The following EPHA5 variants were observed in gnomAD, a reference collection of about 807,000 sequenced individuals.
EPHA5 encodes the protein EPH receptor A5.
A neutral mutation model predicts 105.0 loss-of-function variants in EPHA5; 60 were observed. The ratio of observed to expected loss-of-function variants is 0.57; its 90% CI spans 0.46 to 0.71. EPHA5 has a LOEUF of 0.71. EPHA5 is among the 30% of genes least tolerant of loss of function. The pLI is 0.00. For synonymous variants in EPHA5, 513 were observed against 449.1 expected, an observed-to-expected ratio of 1.14 and a Z score of -1.80; for missense variants, 1,218 against 1,274.7, an observed-to-expected ratio of 0.96 and a Z score of 0.68.
intron 14 of EPHA5, among the ~76,000 whole-genome samples, chr4:65,336,356 A>T (rs1268168184): frequency 6.6e-6 from 1 of 152,122 alleles, no homozygotes; most frequent in Non-Finnish European, 1.5e-5. Flanking sequence ...TATTATAAAT[A>T]AAATAAATGG....
At chr4:65,442,073 T>C (rs1283317896) in intron 5 of EPHA5, among the ~76,000 whole-genome samples, 1 of 152,052 alleles carries the variant, frequency 6.6e-6, no homozygotes, top group African/African-American at 2.4e-5. Flanking sequence ...AAATAAAATG[T>C]CCAATGTAAT....
At chr4:65,388,897 T>C (rs1221926786) in intron 8 of EPHA5, among the ~76,000 whole-genome samples, 2 of 152,020 alleles carry the variant, frequency 1.3e-5, no homozygotes, top group Non-Finnish European at 1.5e-5. Context: ...CCCATGCCTA[T>C]GTCCTGAATG....
chr4:65,496,433 T>C (rs1460536283), intron 3 of EPHA5, among the ~76,000 whole-genome samples: 1 of 141,404 alleles, frequency 7.1e-6, no homozygotes, highest in African/African-American at 2.6e-5. Flanking sequence ...CCTGTGTCCA[T>C]GTGATCTCAT....
chr4:65,328,517 G>A (rs952693150), intron 16 of EPHA5, among the ~76,000 whole-genome samples: 3 of 151,162 alleles, frequency 2.0e-5, no homozygotes, highest in Non-Finnish European at 4.5e-5. Context: ...CCTTTTAGCC[G>A]TATCACTGGT....
intron 16 of EPHA5, among the ~76,000 whole-genome samples, chr4:65,327,831 T>TCTAAGTAG (rs2148787620): frequency 6.6e-6 from 1 of 151,328 alleles, no homozygotes; most frequent in South Asian, 2.1e-4. Flanking sequence ...TTAAGGTATT[T>TCTAAGTAG]TCTTCTAAGT....
chr4:65,431,600 T>G (rs1447576329), intron 5 of EPHA5, among the ~76,000 whole-genome samples: 1 of 152,064 alleles, frequency 6.6e-6, no homozygotes, highest in Non-Finnish European at 1.5e-5. Flanking sequence ...ACCTCCCTCC[T>G]TTCCTTTTTT....
chr4:65,417,238 G>A (rs546688496), intron 6 of EPHA5, among the ~76,000 whole-genome samples: 115 of 152,346 alleles, frequency 7.5e-4, no homozygotes, highest in Non-Finnish European at 8.8e-4. Flanking sequence ...GCTGGCAAAT[G>A]CATGTGCCCT....
intron 5 of EPHA5, among the ~76,000 whole-genome samples, chr4:65,461,810 A>C (rs1728149009): frequency 6.6e-6 from 1 of 152,110 alleles, no homozygotes; most frequent in Admixed American, 6.6e-5. Flanking sequence ...TAAGCTTTGA[A>C]ATATAGACAT....
At chr4:65,359,890 C>A (rs1402582666) in intron 11 of EPHA5, among the ~76,000 whole-genome samples, 1 of 151,596 alleles carries the variant, frequency 6.6e-6, no homozygotes, top group Non-Finnish European at 1.5e-5. Flanking sequence ...AAGAGATGGT[C>A]TTTGCAGGCA....
intron 5 of EPHA5, among the ~76,000 whole-genome samples, chr4:65,433,186 A>G (rs1258118609): frequency 6.6e-6 from 1 of 152,220 alleles, no homozygotes; most frequent in Non-Finnish European, 1.5e-5. Flanking sequence ...TGTTTTTGAC[A>G]TAGTTCTGTA....
chr4:65,542,822 C>G (rs1008363878), intron 3 of EPHA5, among the ~76,000 whole-genome samples: 2 of 151,508 alleles, frequency 1.3e-5, no homozygotes, highest in Non-Finnish European at 2.9e-5. Context: ...TGAAAATCCT[C>G]AATAAAATAC....
chr4:65,579,447 A>G (rs895373172), intron 3 of EPHA5, among the ~76,000 whole-genome samples: 15 of 150,270 alleles, frequency 1.0e-4, no homozygotes, highest in Admixed American at 2.7e-4. Context: ...TATAGATTAA[A>G]TAAAATTTTA....
chr4:65,484,841 A>G (rs1560592647), intron 5 of EPHA5, among the ~76,000 whole-genome samples: 3 of 151,596 alleles, frequency 2.0e-5, no homozygotes. Context: ...GAAATTTCAG[A>G]GTAACTGTTT....
chr4:65,395,544 A>G (rs1721135060), intron 8 of EPHA5, among the ~76,000 whole-genome samples: 1 of 152,206 alleles, frequency 6.6e-6, no homozygotes, highest in Admixed American at 6.5e-5. Context: ...TAATTTCTAC[A>G]TGGTCTGATG....
intron 11 of EPHA5, among the ~76,000 whole-genome samples, chr4:65,361,995 G>T (rs1023094397): frequency 2.0e-5 from 3 of 151,448 alleles, no homozygotes; most frequent in Non-Finnish European, 3.0e-5. Flanking sequence ...AATAGTAAAA[G>T]CTGGCACTAT....
chr4:65,513,385 T>A (rs1733806967), intron 3 of EPHA5, among the ~76,000 whole-genome samples: 1 of 152,226 alleles, frequency 6.6e-6, no homozygotes, highest in East Asian at 1.9e-4. Context: ...TTTTTTTGTT[T>A]GTTTTGTTTT....
At chr4:65,339,828 C>T (rs952576130) in intron 14 of EPHA5, among the ~76,000 whole-genome samples, 1 of 152,048 alleles carries the variant, frequency 6.6e-6, no homozygotes, top group Non-Finnish European at 1.5e-5. Context: ...TGTAGACACA[C>T]CAATTAATCT....
At chr4:65,499,923 T>C (rs896252545) in intron 3 of EPHA5, among the ~76,000 whole-genome samples, 83 of 151,438 alleles carry the variant, frequency 5.5e-4, no homozygotes, top group African/African-American at 2.0e-3. Context: ...AATTCGTTTT[T>C]TGAGTCCACA....
chr4:65,592,101 G>T (rs2149417878), intron 3 of EPHA5, among the ~76,000 whole-genome samples: 1 of 152,010 alleles, frequency 6.6e-6, no homozygotes, highest in African/African-American at 2.4e-5. Flanking sequence ...TTTTCAGAAG[G>T]CTTTCAGTAC....
Sources: allele counts gnomAD v4.1 joint callset (sites outside exome capture counted in the v4.1 genomes callset), GRCh38; gene constraint gnomAD v4.1.1; transcripts MANE v1.5; gene names NCBI Gene and HGNC (gene_info 2026-07-23, HGNC 2026-07-21).